TWSG1: variants seen among roughly 807,000 people sequenced by gnomAD.
TWSG1 encodes twisted gastrulation protein homolog 1.
Under a neutral mutation model 23.0 loss-of-function variants are expected in TWSG1, and 15 were observed. The ratio of observed to expected loss-of-function variants is 0.65; its 90% CI spans 0.44 to 1.00. The LOEUF (loss-of-function observed/expected upper bound fraction) is 1.00. Among genes scored for constraint, TWSG1 ranks in the 50% least tolerant of loss-of-function variants. The pLI is 0.00. For synonymous variants in TWSG1, 86 were observed against 92.8 expected (o/e 0.93, Z 0.42); for missense variants, 242 against 278.7 (o/e 0.87, Z 0.94).
chr18:9,340,704 G>C (rs751094912), intron 2 of TWSG1, among the ~76,000 whole-genome samples: 1 of 152,204 alleles, frequency 6.6e-6, no homozygotes, highest in African/African-American at 2.4e-5. Flanking sequence ...CTTGAAGGTG[G>C]TGGGGGTGGA....
chr18:9,338,221 G>C (rs2040431157), intron 2 of TWSG1, among the ~76,000 whole-genome samples: 1 of 152,194 alleles, frequency 6.6e-6, no homozygotes, highest in Admixed American at 6.5e-5. Context: ...GAAGCATTTT[G>C]TGCTTATTTC....
At chr18:9,349,866 G>A (rs2040493719) in intron 2 of TWSG1, among the ~76,000 whole-genome samples, 1 of 152,154 alleles carries the variant, frequency 6.6e-6, no homozygotes, top group African/African-American at 2.4e-5. Flanking sequence ...CCATGGCTGG[G>A]TGCAGTGGCT....
intron 3 of TWSG1, among the ~76,000 whole-genome samples, chr18:9,375,781 C>T (rs1186767697): frequency 7.2e-5 from 11 of 152,068 alleles, no homozygotes; most frequent in East Asian, 3.8e-4. Flanking sequence ...ACAAAATATG[C>T]GCAAGGTCTG....
chr18:9,396,641 C>A (rs757095048), intron 4 of TWSG1, 95 bp downstream of exon 4: 5 of 1,460,214 alleles, frequency 3.4e-6, no homozygotes, highest in Admixed American at 2.3e-5. Context: ...TTTGGAGCAG[C>A]CTTTTGGTTT....
rs745974445 is a variant in TWSG1 at position 9,399,551 on chromosome 18, A to C, written c.*24A>C. ...AAAGAAGACAAATGCAAACCAAAGC[A>C]ACTTAGTAAAATAATAGGTATAAAA... On this transcript the variant is annotated 3_prime_UTR_variant, in exon 5 of 5. Transcript: ENST00000262120. 1 of 1,575,542 alleles carries C rather than the reference A, an allele frequency of 6.3e-7. No homozygotes were observed. The highest frequency in any genetic ancestry group is 1.9e-5 in the Admixed American group (1 of 52,356).
chr18:9,365,940 C>T (rs184199865), intron 3 of TWSG1, among the ~76,000 whole-genome samples: 98 of 151,904 alleles, frequency 6.5e-4, no homozygotes, highest in African/African-American at 2.2e-3. Context: ...CAGGAGCTTG[C>T]GGCTGTAGTG....
chr18:9,336,942 G>A (rs1475513375), intron 1 of TWSG1, among the ~76,000 whole-genome samples: 1 of 152,114 alleles, frequency 6.6e-6, no homozygotes, highest in Non-Finnish European at 1.5e-5. Flanking sequence ...AGGCATGGTG[G>A]TATTGTCTGT....
chr18:9,399,601 G>A lies in TWSG1; in HGVS notation c.*74G>A. On this transcript the variant is annotated 3_prime_UTR_variant, in exon 5 of 5. Coordinates refer to ENST00000262120, the MANE Select transcript of TWSG1 (RefSeq NM_020648.6). Reference sequence around the variant, plus strand: ...AAGTTATTCTGTAAGTCTGTTGGTTGTATCTTGTATCAGAATCCCAGTAAG... The same window carrying A: ...AAGTTATTCTGTAAGTCTGTTGGTTATATCTTGTATCAGAATCCCAGTAAG... 9 of 1,303,922 alleles carry A rather than the reference G, an allele frequency of 6.9e-6. No homozygotes were observed. The highest frequency in any genetic ancestry group is 2.6e-5 in the East Asian group (1 of 38,944). The allele number at this position is 1,303,922 out of a possible 1,614,324, so 80.8% of individuals were successfully genotyped here. A position where few individuals can be genotyped will look rare whatever the true frequency, so the allele number is the denominator to read the frequency against.
At chr18:9,348,057 G>A (rs1262182850) in intron 2 of TWSG1, among the ~76,000 whole-genome samples, 2 of 152,202 alleles carry the variant, frequency 1.3e-5, no homozygotes, top group Non-Finnish European at 2.9e-5. Flanking sequence ...CTGGTTGGGA[G>A]ATCCATGTAT....
rs778158212 is a variant in TWSG1, at chr18:9,399,505, A to G, written c.650A>G (p.Lys217Arg). The G allele has an allele frequency of 6.2e-7, 1 of 1,608,636 alleles. No individual in the cohort carries two copies. Among genetic ancestry groups the G allele is most frequent in the East Asian group, 2.2e-5 (1 of 44,796 alleles). The part of the protein sequence containing the change: ...ECIDYGSKTV[K>R]CMNCMF ...ATTGACTATGGTAGTAAAACTGTCA[A>G]ATGTATGAACTGCATGTTTTAAAGA... The change falls in exon 5 of 5, where the codon AAA becomes AGA. Residue 217 changes from lysine (K) to arginine (R), a missense_variant. Lys to Arg is a conservative substitution (Grantham distance 26, BLOSUM62 2). Transcript: ENST00000262120.
rs1362928718 is a variant in TWSG1 at position 9,385,546 on chromosome 18, G to A, written c.224-10734G>A. Among the ~76,000 whole-genome samples, 8 of 95,004 alleles carry A rather than the reference G, an allele frequency of 8.4e-5. 2 individuals are homozygous for A. Among genetic ancestry groups the A allele is most frequent in the East Asian group, 2.4e-4 (1 of 4,216 alleles). The allele number at this position is 95,004 out of a possible 152,430, so 62.3% of individuals were successfully genotyped here. A position where few individuals can be genotyped will look rare whatever the true frequency, so the allele number is the denominator to read the frequency against. ...TACTAAAAAATACAAAAAATTAGCC[G>A]GGCGCGGTGGCGGGCGCCTGTAGTC... On this transcript the variant is annotated intron_variant, in intron 3 of 4. Transcript: ENST00000262120.
chr18:9,390,365 G>T (rs901507275), intron 3 of TWSG1, among the ~76,000 whole-genome samples: 15 of 152,120 alleles, frequency 9.9e-5, no homozygotes, highest in African/African-American at 3.4e-4. Context: ...GTTTCACCAC[G>T]TTAGCCAGGA....
intron 3 of TWSG1, among the ~76,000 whole-genome samples, chr18:9,375,862 A>C (rs1459589877): frequency 2.0e-5 from 3 of 152,230 alleles, no homozygotes; most frequent in African/African-American, 2.4e-5. Context: ...TTCTATGTTC[A>C]TGGATAGGAA....
At chr18:9,393,920 A>G (rs1248955564) in intron 3 of TWSG1, among the ~76,000 whole-genome samples, 1 of 152,186 alleles carries the variant, frequency 6.6e-6, no homozygotes, top group East Asian at 1.9e-4. Context: ...AATTTGCCAG[A>G]AGGATAAAAA....
rs1053029558 is a variant in TWSG1, at chr18:9,381,725, C to T, written c.224-14555C>T. 2.4e-4 allele frequency among the ~76,000 whole-genome samples: 36 copies of T among 152,110 alleles called. 1 individual carries two copies. The highest frequency in any genetic ancestry group is 1.8e-3 in the Admixed American group (28 of 15,260). ...AATGAAATGCCTCCCTTCTTTATAC[C>T]CCTAGTCGCTCTCCCTCAAGTTGTT... On this transcript the variant is annotated intron_variant, in intron 3 of 4. Transcript: ENST00000262120.
chr18:9,387,094 C>T (rs1018688261), intron 3 of TWSG1, among the ~76,000 whole-genome samples: 1 of 152,136 alleles, frequency 6.6e-6, no homozygotes, highest in African/African-American at 2.4e-5. Context: ...AGGATAGCTG[C>T]AGAATGATAA....
chr18:9,353,178 A>G (rs2040509768), intron 2 of TWSG1, among the ~76,000 whole-genome samples: 1 of 152,092 alleles, frequency 6.6e-6, no homozygotes, highest in African/African-American at 2.4e-5. Context: ...GGTTTGTATA[A>G]GTATATACTG....
intron 3 of TWSG1, among the ~76,000 whole-genome samples, chr18:9,385,125 A>T (rs1324825730): frequency 6.6e-6 from 1 of 152,184 alleles, no homozygotes; most frequent in Non-Finnish European, 1.5e-5. Flanking sequence ...TTATTTGAAG[A>T]TCTGTCTGTA....
At chr18:9,361,334 G>T (rs2040551436) in intron 3 of TWSG1, among the ~76,000 whole-genome samples, 1 of 152,030 alleles carries the variant, frequency 6.6e-6, no homozygotes, top group Non-Finnish European at 1.5e-5. Flanking sequence ...CTGTTTTGTG[G>T]TTGCTGTTGA....
Sources: gnomAD v4.1 joint callset for allele counts (sites outside exome capture counted in the v4.1 genomes callset) on GRCh38, gnomAD v4.1.1 for gene constraint, MANE v1.5 for transcripts, NCBI Gene and HGNC (gene_info 2026-07-23, HGNC 2026-07-21) for gene names.